CHD2: variants seen among roughly 807,000 people sequenced by gnomAD.
The protein encoded by CHD2 is chromodomain helicase DNA binding protein 2, also known as ATP-dependent chromatin remodeler CHD2.
In CHD2, 28 loss-of-function variants were observed where a neutral mutation model predicts 243.9. The observed-to-expected ratio is 0.11, with a 90% confidence interval of 0.09 to 0.16. The LOEUF (loss-of-function observed/expected upper bound fraction) is 0.16. Among genes scored for constraint, CHD2 ranks in the 10% least tolerant of loss-of-function variants. CHD2 has a pLI of 1.00. For missense variants in CHD2, 1,386 were observed against 2,209.8 expected (o/e 0.63, Z 7.47); for synonymous variants, 775 against 779.0 (o/e 0.99, Z 0.09).
At chr15:93,017,928 A>G (rs2054484695) in intron 37 of CHD2, among the ~76,000 whole-genome samples, 3 of 152,154 alleles carry the variant, frequency 2.0e-5, no homozygotes, top group Admixed American at 1.3e-4. Context: ...CACTTATTTT[A>G]TATTCTGAAT....
chr15:92,985,629 G>T lies in CHD2; in HGVS notation c.3369G>T (p.Val1123=). 1 of 1,613,722 alleles carries T rather than the reference G, an allele frequency of 6.2e-7. No homozygotes were observed. The highest frequency in any genetic ancestry group is 8.5e-7 in the Non-Finnish European group (1 of 1,179,980). The part of the protein sequence containing the change: ...KPKRRGRPRS[V]RKDLVEGFTD... Reference sequence around the variant, plus strand: ...AGCGCAGAGGGCGTCCGAGGAGTGTGCGGAAGGACCTCGTGGAGGGATTTA... The same window carrying T: ...AGCGCAGAGGGCGTCCGAGGAGTGTTCGGAAGGACCTCGTGGAGGGATTTA... Residue 1123 remains valine (V), a synonymous_variant, in exon 26 of 39, where the codon GTG becomes GTT. Transcript: ENST00000394196.
At chr15:92,956,984 C>T (rs1467746729) in intron 16 of CHD2, among the ~76,000 whole-genome samples, 2 of 152,098 alleles carry the variant, frequency 1.3e-5, no homozygotes, top group Admixed American at 1.3e-4. Flanking sequence ...GGTACACAAG[C>T]ACTGAAAAGT....
chr15:92,903,544 T>C (rs534728274), intron 2 of CHD2, among the ~76,000 whole-genome samples: 3 of 152,188 alleles, frequency 2.0e-5, no homozygotes, highest in Non-Finnish European at 4.4e-5. Context: ...TGTTATACTT[T>C]ATCACGATTT....
At chr15:92,913,965 C>T (rs1284819266) in intron 2 of CHD2, among the ~76,000 whole-genome samples, 2 of 152,166 alleles carry the variant, frequency 1.3e-5, no homozygotes, top group Non-Finnish European at 2.9e-5. Context: ...TCCAGGGACC[C>T]CTCTTACTCC....
chr15:92,933,120 A>C (rs7168780), intron 5 of CHD2, among the ~76,000 whole-genome samples: 72,036 of 149,956 alleles, frequency 0.48, 18,188 homozygotes, highest in East Asian at 0.85. Flanking sequence ...GCTCACTGCA[A>C]CCTTGAACTC....
Position 93,024,454 on chromosome 15 carries a change from G to C in CHD2, c.5236G>C (p.Asp1746His). ...CCAGCAGGATTTCCGACGAATGTCTGATCACCGCCCCGCTATGGGCTACCA... is the reference window on the plus strand; with the variant it reads ...CCAGCAGGATTTCCGACGAATGTCTCATCACCGCCCCGCTATGGGCTACCA... ...YHQQDFRRMSDHRPAMGYHGQ... is the reference protein window; with the variant it reads ...YHQQDFRRMSHHRPAMGYHGQ... Residue 1746 changes from aspartate to histidine, a missense_variant, in exon 39 of 39, where the codon GAT (aspartate) becomes CAT (histidine). By Grantham distance (81) the Asp-to-His change is moderately conservative. Around this residue, in one of 19 missense-constraint regions of CHD2, gnomAD observed 347 missense variants for 341.6 expected, o/e 1.02. Coordinates refer to ENST00000394196, the MANE Select transcript of CHD2 (RefSeq NM_001271.4). 6.2e-7 allele frequency: 1 copy of C among 1,614,184 alleles called. No homozygotes were observed. Among genetic ancestry groups the C allele is most frequent in the Non-Finnish European group, 8.5e-7 (1 of 1,180,036 alleles).
At chr15:92,939,216 A>G (rs140042399) in intron 6 of CHD2, among the ~76,000 whole-genome samples, 2 of 152,324 alleles carry the variant, frequency 1.3e-5, no homozygotes, top group Admixed American at 6.5e-5. Context: ...GTTAATTCCT[A>G]CAAGTAAAAT....
intron 38 of CHD2, among the ~76,000 whole-genome samples, chr15:93,023,415 T>C (rs1291268385): frequency 4.6e-5 from 7 of 152,264 alleles, no homozygotes; most frequent in Non-Finnish European, 1.0e-4. Flanking sequence ...TCCATTCATC[T>C]GTTGATGGAC....
intron 2 of CHD2, among the ~76,000 whole-genome samples, chr15:92,903,097 TGAAAA>T (rs1282716492): frequency 2.6e-5 from 4 of 152,222 alleles, no homozygotes; most frequent in Non-Finnish European, 4.4e-5. Context: ...TAAGACTCTT[TGAAAA>T]GAAGATAGTT....
In CHD2 at chr15:93,024,506, G is replaced by T. The variant is rs746146204; in HGVS notation, c.5288G>T (p.Arg1763Leu). 3 of 1,614,012 alleles carry T rather than the reference G, an allele frequency of 1.9e-6. No homozygotes were observed. The highest frequency in any genetic ancestry group is 1.3e-5 in the African/African-American group (1 of 74,882). ...GGCCAGGGACCCTCAGACCATTACC[G>T]CTCTTTCCACACAGATAAACTGGGG... ...YHGQGPSDHY[R>L]SFHTDKLGEY... Residue 1763 changes from arginine (R) to leucine (L), a missense_variant, in exon 39 of 39, where the codon CGC (arginine) becomes CTC (leucine). By Grantham distance (102) the Arg-to-Leu change is moderately radical (BLOSUM62 -2). Transcript: ENST00000394196.
At chr15:93,010,319 CTTCTT>C (rs56372411) in intron 35 of CHD2, among the ~76,000 whole-genome samples, 29,379 of 151,954 alleles carry the variant, frequency 0.19, 3,254 homozygotes, top group Non-Finnish European at 0.26. Context: ...CATATAATGA[CTTCTT>C]TTCCCCTGGG....
In CHD2 at chr15:93,024,666, A is replaced by G. The variant is rs1242808678; in HGVS notation, c.5448A>G (p.Lys1816=). Residue 1816 remains lysine, a synonymous_variant, in exon 39 of 39, where the codon AAA becomes AAG. Coordinates refer to ENST00000394196, the MANE Select transcript of CHD2 (RefSeq NM_001271.4). ...CTTTGGAGAGATCACTAGAACAGAA[A>G]AACAACCCAGATTATAACTGGAATG... is the stretch of plus-strand genomic sequence containing the variant. The part of the protein sequence containing the change: ...RSPLERSLEQ[K]NNPDYNWNVR... The G allele has an allele frequency of 6.2e-7, 1 of 1,613,384 alleles. No individual in the cohort carries two copies. Among genetic ancestry groups the G allele is most frequent in the African/African-American group, 1.3e-5 (1 of 74,878 alleles).
intron 33 of CHD2, chr15:93,004,377 C>T (rs1450848532): frequency 2.8e-6 from 1 of 354,144 alleles, no homozygotes; most frequent in African/African-American, 2.1e-5. Context: ...AAAAATAGCA[C>T]TGATGAAATT....
At chr15:92,978,607 G>A (rs925703117) in intron 21 of CHD2, among the ~76,000 whole-genome samples, 5 of 152,172 alleles carry the variant, frequency 3.3e-5, no homozygotes, top group Non-Finnish European at 2.9e-5. Flanking sequence ...CAACATCAGC[G>A]ACCTTCTATG....
intron 7 of CHD2, 123 bp downstream of exon 7, chr15:92,939,841 T>C (rs535966545): frequency 1.9e-6 from 2 of 1,070,224 alleles, no homozygotes; most frequent in East Asian, 2.5e-5. Context: ...TGTCCTGAAG[T>C]TGTTTTCAGA....
chr15:92,990,313 G>T (rs1450327394), intron 26 of CHD2, among the ~76,000 whole-genome samples: 1 of 152,184 alleles, frequency 6.6e-6, no homozygotes, highest in East Asian at 1.9e-4. Flanking sequence ...TGGGGTTAAG[G>T]GGTGGGAATA....
chr15:92,994,222 C>A (rs934849835), intron 28 of CHD2, among the ~76,000 whole-genome samples: 1 of 152,204 alleles, frequency 6.6e-6, no homozygotes, highest in African/African-American at 2.4e-5. Flanking sequence ...ATCCCTTCAA[C>A]TGTCTCATTT....
chr15:92,917,160 A>G (rs113178578), intron 2 of CHD2, among the ~76,000 whole-genome samples: 190 of 152,304 alleles, frequency 1.2e-3, no homozygotes, highest in Non-Finnish European at 1.6e-3. Flanking sequence ...GAAACAAGTT[A>G]CTTGTCTTTT....
At chr15:93,006,731 T>G (rs1041923997) in intron 34 of CHD2, among the ~76,000 whole-genome samples, 3 of 152,206 alleles carry the variant, frequency 2.0e-5, no homozygotes, top group Non-Finnish European at 4.4e-5. Flanking sequence ...GTTGGGTCCA[T>G]AACCATTGTC....
Sources: allele counts gnomAD v4.1 joint callset (sites outside exome capture counted in the v4.1 genomes callset), GRCh38; gene constraint gnomAD v4.1.1; regional missense constraint gnomAD v4.1.1; transcripts MANE v1.5; gene names NCBI Gene and HGNC (gene_info 2026-07-23, HGNC 2026-07-21).